The following RFTN1 variants were observed in gnomAD, a reference collection of about 807,000 sequenced individuals.
RFTN1 encodes the protein raftlin, lipid raft linker 1, also known as raftlin.
A neutral mutation model predicts 46.5 loss-of-function variants in RFTN1; 26 were observed. That is an observed-to-expected ratio of 0.56 (90% CI 0.41 to 0.78). RFTN1 has a LOEUF of 0.78. Among genes scored for constraint, RFTN1 ranks in the 30% least tolerant of loss-of-function variants. RFTN1 has a pLI of 0.00. For synonymous variants in RFTN1, 261 were observed against 284.2 expected (o/e 0.92, Z 0.82); for missense variants, 693 against 718.7 (o/e 0.96, Z 0.41).
intron 7 of RFTN1, among the ~76,000 whole-genome samples, chr3:16,332,294 T>C (rs771946852): frequency 6.6e-6 from 1 of 152,132 alleles, no homozygotes; most frequent in Non-Finnish European, 1.5e-5. Flanking sequence ...ACAGTTTTCT[T>C]ACTCTTTTAA....
Position 16,345,817 on chromosome 3 carries a change from TGCGC to T in RFTN1, c.1146+12111_1146+12114del, listed in dbSNP as rs1553726165. 0.016 allele frequency among the ~76,000 whole-genome samples: 1,214 copies of T among 74,540 alleles called. 14 individuals carry two copies. The highest frequency in any genetic ancestry group is 0.029 in the African/African-American group (523 of 18,150). The allele number at this position is 74,540 out of a possible 152,430, so 48.9% of individuals were successfully genotyped here. ...GTGTGTGTGTGTGTGTGTGTGTGTG[TGCGC>T]GCGCGCGTGCGCGCACGCGCACATG... is the stretch of plus-strand genomic sequence containing the variant. On this transcript the variant is annotated intron_variant, in intron 7 of 9. Coordinates refer to ENST00000334133, the MANE Select transcript of RFTN1 (RefSeq NM_015150.2). The surrounding 1 kb of genome is among the most constrained non-coding windows in gnomAD (Gnocchi z 5.2).
rs1337574979 is a variant in RFTN1 at position 16,387,620 on chromosome 3, C to T, written c.442-9518G>A. Among the ~76,000 whole-genome samples, 3 of 148,164 alleles carry T rather than the reference C, an allele frequency of 2.0e-5. No homozygotes were observed. The East Asian group carries it at 5.9e-4, about 29-fold the overall frequency. ...TCTCTCTCTCTCTCTCTACTGGCTC[C>T]TTCCACTCAGCATACAACTAAATTC... On this transcript the variant is annotated intron_variant, in intron 4 of 9. Coordinates refer to ENST00000334133, the MANE Select transcript of RFTN1 (RefSeq NM_015150.2). The surrounding 1 kb of genome is among the most constrained non-coding windows in gnomAD (Gnocchi z 5.2).
chr3:16,370,217 G>C lies in RFTN1; in HGVS notation c.889C>G (p.Pro297Ala). The change falls in exon 6 of 10, where the codon CCT (proline) becomes GCT (alanine). Residue 297 changes from proline (P) to alanine (A), a missense_variant. Physicochemically the swap from Pro to Ala is conservative, Grantham distance 27 (BLOSUM62 -1). Transcript: ENST00000334133. This position sits in a 1 kb window ranked among gnomAD's most constrained non-coding sequence, Gnocchi z 5.5. ...GAGACATGGAGAGGAATGGTGACAGGGTAGTATTGCCGGCACTTCTGATGG... is the reference window on the plus strand; with the variant it reads ...GAGACATGGAGAGGAATGGTGACAGCGTAGTATTGCCGGCACTTCTGATGG... Reference protein sequence around the residue: ...KSHQKCRQYYPVTIPLHVSKN... With the variant: ...KSHQKCRQYYAVTIPLHVSKN... 1 of 1,614,198 alleles carries C rather than the reference G, an allele frequency of 6.2e-7. No homozygotes were observed.
chr3:16,371,906 AAATGGAGCGACACAGAGGAGGTTCGT>A (rs1322342874), intron 5 of RFTN1, among the ~76,000 whole-genome samples: 5 of 152,194 alleles, frequency 3.3e-5, no homozygotes, highest in African/African-American at 1.2e-4. Context: ...CAAACTTTAG[AAATGGAGCGACACAGAGGAGGTTCGT>A]AATGGAGGGA....
rs2074970407 is a variant in RFTN1 at position 16,410,920 on chromosome 3, G to C, written c.333-1437C>G. Among the ~76,000 whole-genome samples the C allele has an allele frequency of 6.6e-6, 1 of 152,236 alleles. No homozygotes were observed. Among genetic ancestry groups the C allele is most frequent in the Non-Finnish European group, 1.5e-5 (1 of 68,042 alleles). On this transcript the variant is annotated intron_variant, in intron 3 of 9. Coordinates refer to ENST00000334133, the MANE Select transcript of RFTN1 (RefSeq NM_015150.2). The surrounding 1 kb of genome is among the most constrained non-coding windows in gnomAD (Gnocchi z 4.6). ...AATCACGTGGGTGTCAGAAATTGAA[G>C]AGGATTCCTTGGCCCAGCCAGGCAT...
rs1289984885 is a variant in RFTN1 at position 16,504,501 on chromosome 3, T to C, written c.-9+8941A>G. 1.3e-5 allele frequency among the ~76,000 whole-genome samples: 2 copies of C among 152,252 alleles called. No individual in the cohort carries two copies. The highest frequency in any genetic ancestry group is 2.9e-5 in the Non-Finnish European group (2 of 68,046). Reference sequence around the variant, plus strand: ...TCAAGCTAGTAGTTAGCGTGGTATCTGACAGATGTTAAGTATTGCTGCATT... The same window carrying C: ...TCAAGCTAGTAGTTAGCGTGGTATCCGACAGATGTTAAGTATTGCTGCATT... On this transcript the variant is annotated intron_variant, in intron 1 of 9. Coordinates refer to ENST00000334133, the MANE Select transcript of RFTN1 (RefSeq NM_015150.2). The surrounding 1 kb of genome is among the most constrained non-coding windows in gnomAD (Gnocchi z 4.4).
chr3:16,495,411 T>C (rs758557174), intron 1 of RFTN1, among the ~76,000 whole-genome samples: 6 of 152,252 alleles, frequency 3.9e-5, no homozygotes, highest in African/African-American at 9.6e-5. Context: ...AAGTCACTCA[T>C]TCATGCAGAT....
rs1163198551 is a variant in RFTN1, at chr3:16,376,065, C to G, written c.826+1653G>C. On this transcript the variant is annotated intron_variant, in intron 5 of 9. Coordinates refer to ENST00000334133, the MANE Select transcript of RFTN1 (RefSeq NM_015150.2). This position sits in a 1 kb window ranked among gnomAD's most constrained non-coding sequence, Gnocchi z 4.7. Reference sequence around the variant, plus strand: ...AAGGAGTATCGGAGGAAGGTGGGCTCTGGAACACAGGAAGCATCTGAAAGC... The same window carrying G: ...AAGGAGTATCGGAGGAAGGTGGGCTGTGGAACACAGGAAGCATCTGAAAGC... Among the ~76,000 whole-genome samples the G allele has an allele frequency of 6.6e-6, 1 of 152,094 alleles. No individual in the cohort carries two copies. The highest frequency in any genetic ancestry group is 2.4e-5 in the African/African-American group (1 of 41,414).
In RFTN1 at chr3:16,500,657, T is replaced by C. The variant is rs1042848880; in HGVS notation, c.-8-6780A>G. ...AACAAAGATCCCTTGAATGGTGATC[T>C]TCTGGAAAAAATTTTGGCTGAATCA... On this transcript the variant is annotated intron_variant, in intron 1 of 9. Transcript: ENST00000334133. The surrounding 1 kb of genome is among the most constrained non-coding windows in gnomAD (Gnocchi z 5.9). Among the ~76,000 whole-genome samples the C allele has an allele frequency of 3.9e-5, 6 of 152,214 alleles. No homozygotes were observed. The highest frequency in any genetic ancestry group is 3.3e-4 in the Admixed American group (5 of 15,290).
rs544603359 is a variant in RFTN1 at position 16,485,820 on chromosome 3, A to C, written c.145+7905T>G. ...AACAAATATCACTGCGACACCCTTC[A>C]GTGGACTGGCAGTTGGCGCTGAGCT... On this transcript the variant is annotated intron_variant, in intron 2 of 9. Coordinates refer to ENST00000334133, the MANE Select transcript of RFTN1 (RefSeq NM_015150.2). Among the ~76,000 whole-genome samples the C allele has an allele frequency of 2.9e-3, 444 of 152,366 alleles. 2 individuals are homozygous for C. Among genetic ancestry groups the C allele is most frequent in the Non-Finnish European group, 5.5e-3 (371 of 68,034 alleles).
rs1402118913 is a variant in RFTN1, at chr3:16,337,556, A to G, written c.1147-10680T>C. 6.6e-6 allele frequency among the ~76,000 whole-genome samples: 1 copy of G among 151,996 alleles called. No homozygotes were observed. Among genetic ancestry groups the G allele is most frequent in the Non-Finnish European group, 1.5e-5 (1 of 68,004 alleles). On this transcript the variant is annotated intron_variant, in intron 7 of 9. Coordinates refer to ENST00000334133, the MANE Select transcript of RFTN1 (RefSeq NM_015150.2). This position sits in a 1 kb window ranked among gnomAD's most constrained non-coding sequence, Gnocchi z 5.0. The stretch of plus-strand genomic sequence containing the variant: ...CAGGAGATCGAGACCACCCTGGCCA[A>G]CATGGTGAAACCTCGTCTCTACTAA...
At chr3:16,333,836 A>T (rs1399567153) in intron 7 of RFTN1, among the ~76,000 whole-genome samples, 3 of 152,348 alleles carry the variant, frequency 2.0e-5, no homozygotes, top group South Asian at 2.1e-4. Flanking sequence ...CACTAAGTGC[A>T]TGAGAGAAAT....
rs2075031348 is a variant in RFTN1, at chr3:16,414,296, A to G, written c.333-4813T>C. On this transcript the variant is annotated intron_variant, in intron 3 of 9. Transcript: ENST00000334133. ...GTATGCCCAATGGTGGGAAGTCTTG[A>G]AAAAAAAAAAAAAAGAAAGAAAGAA... 2.2e-5 allele frequency among the ~76,000 whole-genome samples: 2 copies of G among 91,636 alleles called. 1 individual carries two copies. Among genetic ancestry groups the G allele is most frequent in the South Asian group, 6.9e-4 (2 of 2,902 alleles). The allele number at this position is 91,636 out of a possible 152,430, so 60.1% of individuals were successfully genotyped here.
chr3:16,390,966 A>T (rs1229676693), intron 4 of RFTN1, among the ~76,000 whole-genome samples: 2 of 152,082 alleles, frequency 1.3e-5, no homozygotes, highest in Non-Finnish European at 2.9e-5. Context: ...TACTCCCTGT[A>T]CCCCCCATGA....
Position 16,461,254 on chromosome 3 carries a change from TA to T in RFTN1, c.146-27218del, listed in dbSNP as rs60461545. ...ATATAGACATTACAGTGGGGCTCAA[TA>T]AAAAAAAACAACTCTCACAAAGGAG... On this transcript the variant is annotated intron_variant, in intron 2 of 9. Coordinates refer to ENST00000334133, the MANE Select transcript of RFTN1 (RefSeq NM_015150.2). Among the ~76,000 whole-genome samples the T allele has an allele frequency of 6.2e-3, 927 of 150,312 alleles. 10 individuals are homozygous for T. The highest frequency in any genetic ancestry group is 0.021 in the African/African-American group (861 of 41,110).
In RFTN1 at chr3:16,351,025, G is replaced by A. The variant is rs772253610; in HGVS notation, c.1146+6907C>T. Reference sequence around the variant, plus strand: ...AAAGCTTGAGCCCCAGAAACCTGCAGAACTTCATGAAGAACAAGTGAGACC... The same window carrying A: ...AAAGCTTGAGCCCCAGAAACCTGCAAAACTTCATGAAGAACAAGTGAGACC... On this transcript the variant is annotated intron_variant, in intron 7 of 9. Coordinates refer to ENST00000334133, the MANE Select transcript of RFTN1 (RefSeq NM_015150.2). The surrounding 1 kb of genome is among the most constrained non-coding windows in gnomAD (Gnocchi z 5.4). 6.6e-6 allele frequency among the ~76,000 whole-genome samples: 1 copy of A among 152,214 alleles called. No individual in the cohort carries two copies. Among genetic ancestry groups the A allele is most frequent in the African/African-American group, 2.4e-5 (1 of 41,456 alleles).
At position 16,345,268 on chromosome 3, in the gene RFTN1, G is replaced by GGT. The variant is rs746353423; in HGVS notation, c.1146+12663_1146+12664insAC. 4.9e-5 allele frequency: 3 copies of GGT among 61,044 alleles called. No individual in the cohort carries two copies. Among genetic ancestry groups the GGT allele is most frequent in the Non-Finnish European group, 9.9e-5 (2 of 20,274 alleles). 3.8% of individuals were successfully genotyped at this position (61,044 alleles called of 1,614,324 possible). On this transcript the variant is annotated intron_variant, in intron 7 of 9. Transcript: ENST00000334133. This position sits in a 1 kb window ranked among gnomAD's most constrained non-coding sequence, Gnocchi z 5.2. The stretch of plus-strand genomic sequence containing the variant: ...TGTAAGATAATAAGTAGGTGGTTGT[G>GGT]TGTGTGTGTGTGTGTGTGTGTGTGT...
chr3:16,366,617 C>A (rs1376745421), intron 6 of RFTN1, among the ~76,000 whole-genome samples: 1 of 151,672 alleles, frequency 6.6e-6, no homozygotes, highest in East Asian at 1.9e-4. Context: ...TGTCTGCCTA[C>A]CCCCTTCTTT....
chr3:16,513,111 G>T lies in RFTN1; in HGVS notation c.-9+331C>A, dbSNP rs1043273567. 1 of 152,846 alleles carries T rather than the reference G, an allele frequency of 6.5e-6. No homozygotes were observed. Among genetic ancestry groups the T allele is most frequent in the Non-Finnish European group, 1.5e-5 (1 of 68,670 alleles). The allele number at this position is 152,846 out of a possible 1,614,324, so 9.5% of individuals were successfully genotyped here. A position where few individuals can be genotyped will look rare whatever the true frequency, so the allele number is the denominator to read the frequency against. ...TCCCCCACCTCTGCGTCCTTCCTAG[G>T]CGCTTCTGAGCCTGCAGAGCCTACG... On this transcript the variant is annotated intron_variant, in intron 1 of 9. Coordinates refer to ENST00000334133, the MANE Select transcript of RFTN1 (RefSeq NM_015150.2). The surrounding 1 kb of genome is among the most constrained non-coding windows in gnomAD (Gnocchi z 5.4).
Sources: gnomAD v4.1 joint callset for allele counts (sites outside exome capture counted in the v4.1 genomes callset) on GRCh38, gnomAD v4.1.1 for gene constraint, Gnocchi (gnomAD v3.1) non-coding constraint, MANE v1.5 for transcripts, NCBI Gene and HGNC (gene_info 2026-07-23, HGNC 2026-07-21) for gene names.